FAM91A1: variants seen among roughly 807,000 people sequenced by gnomAD.
The protein encoded by FAM91A1 is protein FAM91A1.
In FAM91A1, 41 loss-of-function variants were observed where a neutral mutation model predicts 113.5. That is an observed-to-expected ratio of 0.36 (90% CI 0.28 to 0.47). FAM91A1 has a LOEUF of 0.47. Among genes scored for constraint, FAM91A1 ranks in the 20% least tolerant of loss-of-function variants. FAM91A1 has a pLI of 1.00. For missense variants in FAM91A1, 696 were observed against 1,001.2 expected, an observed-to-expected ratio of 0.70 and a Z score of 4.11; for synonymous variants, 307 against 347.9, an observed-to-expected ratio of 0.88 and a Z score of 1.31.
At chr8:123,776,127 T>A (rs1814978795) in intron 3 of FAM91A1, among the ~76,000 whole-genome samples, 1 of 152,238 alleles carries the variant, frequency 6.6e-6, no homozygotes, top group African/African-American at 2.4e-5. Flanking sequence ...TTATTAACTT[T>A]TAGTTGTTAG....
chr8:123,774,210 T>G (rs1814925576), intron 2 of FAM91A1, 46 bp downstream of exon 2: 1 of 1,383,216 alleles, frequency 7.2e-7, no homozygotes, highest in Admixed American at 2.1e-5. Context: ...ACCACTACTC[T>G]TTCACATTCG....
At chr8:123,775,833 T>C (rs1283358790) in intron 3 of FAM91A1, among the ~76,000 whole-genome samples, 1 of 152,022 alleles carries the variant, frequency 6.6e-6, no homozygotes, top group Non-Finnish European at 1.5e-5. Flanking sequence ...GCCGTGGTGG[T>C]GTGCACCTGT....
chr8:123,800,673 C>T (rs967405527), intron 18 of FAM91A1, among the ~76,000 whole-genome samples: 9 of 152,066 alleles, frequency 5.9e-5, no homozygotes, highest in African/African-American at 2.2e-4. Flanking sequence ...TATTTTCTCC[C>T]CGCTACTCAT....
At chr8:123,807,783 TAGA>T (rs1461254322) in intron 20 of FAM91A1, among the ~76,000 whole-genome samples, 1 of 152,192 alleles carries the variant, frequency 6.6e-6, no homozygotes, top group African/African-American at 2.4e-5. Flanking sequence ...TGGACAGTAG[TAGA>T]AGATGAGAGT....
intron 10 of FAM91A1, 54 bp downstream of exon 10, chr8:123,785,173 C>T: frequency 7.3e-7 from 1 of 1,377,672 alleles, no homozygotes; most frequent in Non-Finnish European, 9.9e-7. Flanking sequence ...GTGGATTTTA[C>T]TAGTAGATTT....
intron 1 of FAM91A1, among the ~76,000 whole-genome samples, chr8:123,769,040 C>G (rs933647225): frequency 6.6e-6 from 1 of 152,226 alleles, no homozygotes; most frequent in Admixed American, 6.5e-5. Flanking sequence ...ATACATTCAG[C>G]CAGGCACCTG....
chr8:123,796,408 T>A (rs1162370091), intron 15 of FAM91A1, among the ~76,000 whole-genome samples: 1 of 151,622 alleles, frequency 6.6e-6, no homozygotes, highest in Admixed American at 6.6e-5. Context: ...AGAGCTAATC[T>A]AGGAAATAAT....
At chr8:123,777,035 G>T (rs745490546) in intron 3 of FAM91A1, among the ~76,000 whole-genome samples, 1 of 152,166 alleles carries the variant, frequency 6.6e-6, no homozygotes, top group Non-Finnish European at 1.5e-5. Flanking sequence ...CCTGGGATTC[G>T]TAGAGAGCCT....
At chr8:123,782,538 T>C (rs1186741126) in intron 8 of FAM91A1, among the ~76,000 whole-genome samples, 1 of 152,246 alleles carries the variant, frequency 6.6e-6, no homozygotes, top group Admixed American at 6.5e-5. Flanking sequence ...ATTCATCAAA[T>C]TTTCTAACTG....
At chr8:123,789,231 C>T (rs910606294) in intron 14 of FAM91A1, among the ~76,000 whole-genome samples, 1 of 152,144 alleles carries the variant, frequency 6.6e-6, no homozygotes, top group African/African-American at 2.4e-5. Context: ...ACTGGTAATA[C>T]AGAATTGTGA....
In FAM91A1 at chr8:123,782,096, T is replaced by G. The variant is rs1815139882; in HGVS notation, c.703+1554T>G. Among the ~76,000 whole-genome samples the G allele has an allele frequency of 2.6e-5, 4 of 152,192 alleles. No individual in the cohort carries two copies. In the South Asian group the frequency reaches 8.3e-4, roughly 32 times the overall value. On this transcript the variant is annotated intron_variant, in intron 8 of 23. Coordinates refer to ENST00000334705, the MANE Select transcript of FAM91A1 (RefSeq NM_144963.4). The stretch of plus-strand genomic sequence containing the variant: ...CTGTCAGTTTGAACATTGACTCACA[T>G]TAGAGTAACTTTTAATATTACTTAT...
intron 1 of FAM91A1, among the ~76,000 whole-genome samples, chr8:123,769,044 G>A (rs1022986384): frequency 2.0e-5 from 3 of 152,214 alleles, no homozygotes; most frequent in Non-Finnish European, 2.9e-5. Flanking sequence ...ATTCAGCCAG[G>A]CACCTGCGAT....
chr8:123,780,176 A>G (rs1364076930), intron 7 of FAM91A1, 101 bp downstream of exon 7: 5 of 985,226 alleles, frequency 5.1e-6, no homozygotes, highest in East Asian at 5.0e-5. Context: ...AAATAGTACT[A>G]GTTTCTAAGG....
chr8:123,808,427 A>T (rs1424476740), intron 21 of FAM91A1, 51 bp downstream of exon 21: 2 of 1,484,816 alleles, frequency 1.3e-6, no homozygotes, highest in Non-Finnish European at 9.3e-7. Flanking sequence ...TCTGAGGTTT[A>T]ACTTTTATGT....
chr8:123,780,373 T>C, intron 7 of FAM91A1, 107 bp from the exon 8 acceptor site: 2 of 870,554 alleles, frequency 2.3e-6, no homozygotes, highest in Admixed American at 6.0e-5. Context: ...TTTCGTCACA[T>C]AGCATTCATT....
intron 8 of FAM91A1, among the ~76,000 whole-genome samples, chr8:123,783,972 T>C (rs1815187430): frequency 6.6e-6 from 1 of 152,204 alleles, no homozygotes; most frequent in Admixed American, 6.5e-5. Flanking sequence ...GCAGATGAAT[T>C]TCCATTTTTA....
chr8:123,808,826 G>C (rs1815877480), intron 21 of FAM91A1, 67 bp from the exon 22 acceptor site: 1 of 1,393,064 alleles, frequency 7.2e-7, no homozygotes, highest in Admixed American at 2.4e-5. Flanking sequence ...ACCCTTGTCA[G>C]TTATATATAA....
chr8:123,785,192 A>G, intron 10 of FAM91A1, 73 bp downstream of exon 10: 2 of 1,239,218 alleles, frequency 1.6e-6, no homozygotes, highest in Non-Finnish European at 2.3e-6. Context: ...TTTTATCTTG[A>G]TAAGCTACTG....
chr8:123,770,294 C>T (rs868330394), intron 1 of FAM91A1, among the ~76,000 whole-genome samples: 1 of 152,310 alleles, frequency 6.6e-6, no homozygotes, highest in South Asian at 2.1e-4. Context: ...CTCCCTTCCT[C>T]CCTTGGGGAT....
Sources: allele counts gnomAD v4.1 joint callset (sites outside exome capture counted in the v4.1 genomes callset), GRCh38; gene constraint gnomAD v4.1.1; transcripts MANE v1.5; gene names NCBI Gene and HGNC (gene_info 2026-07-23, HGNC 2026-07-21).